The following PCDHGA2 variants were observed in gnomAD, a reference collection of about 807,000 sequenced individuals.
PCDHGA2 encodes the protein protocadherin gamma-A2.
Under a neutral mutation model 59.2 loss-of-function variants are expected in PCDHGA2, and 40 were observed. That is an observed-to-expected ratio of 0.68 (90% confidence interval 0.52 to 0.88). PCDHGA2 has a LOEUF of 0.88. Among genes scored for constraint, PCDHGA2 ranks in the 40% least tolerant of loss-of-function variants. The pLI is 0.00. For missense variants in PCDHGA2, 1,226 were observed against 1,204.0 expected (o/e 1.02, Z -0.27); for synonymous variants, 560 against 526.0 (o/e 1.06, Z -0.89).
intron 1 of PCDHGA2, among the ~76,000 whole-genome samples, chr5:141,475,629 C>T (rs77593456): frequency 0.054 from 8,157 of 152,234 alleles, 446 homozygotes; most frequent in African/African-American, 0.15. Flanking sequence ...TGGTTCGATC[C>T]CCTTTCTTGT....
chr5:141,375,736 T>C (rs1771819108), intron 1 of PCDHGA2: 2 of 1,614,242 alleles, frequency 1.2e-6, no homozygotes, highest in East Asian at 2.2e-5. Flanking sequence ...TGAGCCTGTT[T>C]GTGCTGGACC....
intron 1 of PCDHGA2, chr5:141,414,666 A>G (rs1243321329): frequency 6.2e-7 from 1 of 1,614,002 alleles, no homozygotes; most frequent in Admixed American, 1.7e-5. Context: ...CCCTGGCTGA[A>G]GACACCATCC....
Position 141,431,858 on chromosome 5 carries a change from G to A in PCDHGA2, c.2425-62949G>A, listed in dbSNP as rs1421209596. The A allele has an allele frequency of 1.1e-5, 17 of 1,614,198 alleles. No individual in the cohort carries two copies. Among genetic ancestry groups the A allele is most frequent in the Non-Finnish European group, 1.4e-5 (17 of 1,180,020 alleles). On this transcript the variant is annotated intron_variant, in intron 1 of 3. Coordinates refer to ENST00000394576, the MANE Select transcript of PCDHGA2 (RefSeq NM_018915.4). The surrounding 1 kb of genome is among the most constrained non-coding windows in gnomAD (Gnocchi z 4.8). ...AAACTCTCCCAGAGGGACATTAATTGCCCTTTTAAATGTAAATGACCAAGA... is the reference window on the plus strand; with the variant it reads ...AAACTCTCCCAGAGGGACATTAATTACCCTTTTAAATGTAAATGACCAAGA...
At chr5:141,344,056 G>T (rs1369527105) in intron 1 of PCDHGA2, 2 of 1,559,122 alleles carry the variant, frequency 1.3e-6, no homozygotes, top group East Asian at 4.6e-5. Context: ...CTGAGTTTCC[G>T]AAATGGCAGA....
rs114847835 is a variant in PCDHGA2, at chr5:141,486,500, C to T, written c.2425-8307C>T. The T allele has an allele frequency of 6.2e-6, 10 of 1,614,008 alleles. No homozygotes were observed. The East Asian group carries it at 1.8e-4, about 29-fold the overall frequency. On this transcript the variant is annotated intron_variant, in intron 1 of 3. Coordinates refer to ENST00000394576, the MANE Select transcript of PCDHGA2 (RefSeq NM_018915.4). This position sits in a 1 kb window ranked among gnomAD's most constrained non-coding sequence, Gnocchi z 5.0. ...TCTCAGTACCCACAGAACTATTTTCCTCAATATTTCAGATGTGAATGATAA... is the reference window on the plus strand; with the variant it reads ...TCTCAGTACCCACAGAACTATTTTCTTCAATATTTCAGATGTGAATGATAA...
At chr5:141,479,366 T>A (rs2099494042) in intron 1 of PCDHGA2, 1 of 152,302 alleles carries the variant, frequency 6.6e-6, no homozygotes, top group Non-Finnish European at 1.5e-5. Flanking sequence ...GTGCCTGAGG[T>A]GGGAGGATTG....
At chr5:141,363,540 C>T (rs1762965005) in intron 1 of PCDHGA2, among the ~76,000 whole-genome samples, 1 of 152,204 alleles carries the variant, frequency 6.6e-6, no homozygotes, top group Admixed American at 6.5e-5. Context: ...ACTGGAACTA[C>T]AAATATTTGA....
Position 141,431,721 on chromosome 5 carries a change from C to T in PCDHGA2, c.2425-63086C>T. The T allele has an allele frequency of 1.2e-6, 2 of 1,614,246 alleles. No homozygotes were observed. Among genetic ancestry groups the T allele is most frequent in the Non-Finnish European group, 1.7e-6 (2 of 1,180,044 alleles). On this transcript the variant is annotated intron_variant, in intron 1 of 3. Transcript: ENST00000394576. The surrounding 1 kb of genome is among the most constrained non-coding windows in gnomAD (Gnocchi z 4.8). ...GGATTCTACCAGATGGAAGTGCAAGCAATGGATAATGCAGGATATTCTGCG... is the reference window on the plus strand; with the variant it reads ...GGATTCTACCAGATGGAAGTGCAAGTAATGGATAATGCAGGATATTCTGCG...
rs1184232947 is a variant in PCDHGA2 at position 141,487,060 on chromosome 5, G to T, written c.2425-7747G>T. ...TCTCTCGATATGCTGGGGAGGTGCG[G>T]ACGGCTGTTCCTATCCCAGCTGACC... On this transcript the variant is annotated intron_variant, in intron 1 of 3. Transcript: ENST00000394576. This position sits in a 1 kb window ranked among gnomAD's most constrained non-coding sequence, Gnocchi z 5.0. The T allele has an allele frequency of 1.9e-6, 3 of 1,614,182 alleles. No individual in the cohort carries two copies. In the East Asian group the frequency reaches 6.7e-5, roughly 36 times the overall value.
rs1237005711 is a variant in PCDHGA2 at position 141,339,071 on chromosome 5, T to A, written c.100T>A (p.Ser34Thr). 1 of 1,613,850 alleles carries A rather than the reference T, an allele frequency of 6.2e-7. No individual in the cohort carries two copies. The highest frequency in any genetic ancestry group is 1.1e-5 in the South Asian group (1 of 91,080). Residue 34 changes from serine to threonine, a missense_variant, in exon 1 of 4, where the codon TCT (serine) becomes ACT (threonine). Ser to Thr is a moderately conservative substitution (Grantham distance 58). Coordinates refer to ENST00000394576, the MANE Select transcript of PCDHGA2 (RefSeq NM_018915.4). ...GGCCAGGGCCGGGCAGATTCGCTAT[T>A]CTGTGCGGGAAGAGATCGACAGAGG... ...WEARAGQIRY[S>T]VREEIDRGSF...
intron 1 of PCDHGA2, chr5:141,408,243 G>T: frequency 6.3e-7 from 1 of 1,583,996 alleles, no homozygotes; most frequent in African/African-American, 1.3e-5. Context: ...GCCGGCCCGC[G>T]GCAGGTGCTA....
chr5:141,357,407 C>T lies in PCDHGA2; in HGVS notation c.2424+16012C>T, dbSNP rs752595373. 1.5e-5 allele frequency: 25 copies of T among 1,614,128 alleles called. No individual in the cohort carries two copies. The East Asian group carries it at 4.7e-4, about 30-fold the overall frequency. ...GAAGGCAGCAGGTTGGCAGGTGTGC[C>T]TGCCTCGCACTTTGTGGGCGTGGAC... On this transcript the variant is annotated intron_variant, in intron 1 of 3. Transcript: ENST00000394576.
chr5:141,501,164 G>C (rs991995325), intron 2 of PCDHGA2, among the ~76,000 whole-genome samples: 32 of 152,144 alleles, frequency 2.1e-4, no homozygotes, highest in African/African-American at 7.7e-4. Context: ...ACCATCCCCA[G>C]CCTCATTTAC....
chr5:141,389,481 C>T (rs372276550), intron 1 of PCDHGA2: 5 of 1,612,962 alleles, frequency 3.1e-6, no homozygotes, highest in African/African-American at 1.3e-5. Context: ...ACTGCAGGCC[C>T]GCGACCAGGG....
intron 1 of PCDHGA2, chr5:141,374,208 G>A (rs777295061): frequency 1.2e-6 from 2 of 1,613,952 alleles, no homozygotes; most frequent in East Asian, 2.2e-5. Context: ...CTGGAGAAAG[G>A]CTCCTTCGTA....
chr5:141,458,506 A>G (rs1443711702), intron 1 of PCDHGA2, among the ~76,000 whole-genome samples: 1 of 150,282 alleles, frequency 6.7e-6, no homozygotes, highest in Non-Finnish European at 1.5e-5. Flanking sequence ...ATACTGTTTG[A>G]CACTTTGTTT....
rs1328476453 is a variant in PCDHGA2, at chr5:141,431,444, C to T, written c.2425-63363C>T. 4.3e-6 allele frequency: 7 copies of T among 1,613,732 alleles called. No homozygotes were observed. The highest frequency in any genetic ancestry group is 5.9e-6 in the Non-Finnish European group (7 of 1,180,022). On this transcript the variant is annotated intron_variant, in intron 1 of 3. Transcript: ENST00000394576. The surrounding 1 kb of genome is among the most constrained non-coding windows in gnomAD (Gnocchi z 4.8). ...GGTGCGCACAGGCACCGCGCGCATCCGCGTGATGGTTCTGGATGCGAACGA... is the reference window on the plus strand; with the variant it reads ...GGTGCGCACAGGCACCGCGCGCATCTGCGTGATGGTTCTGGATGCGAACGA...
chr5:141,421,532 C>T lies in PCDHGA2; in HGVS notation c.2425-73275C>T, dbSNP rs557991200. On this transcript the variant is annotated intron_variant, in intron 1 of 3. Transcript: ENST00000394576. ...GAGGAGCTCTGTGAGACGGTGTCCT[C>T]CTGTTTTTTAAATATGGAACTTCTC... The T allele has an allele frequency of 1.4e-5, 23 of 1,613,996 alleles. No individual in the cohort carries two copies. In the African/African-American group the frequency reaches 2.4e-4, roughly 17 times the overall value.
intron 1 of PCDHGA2, chr5:141,395,188 T>C (rs1188356077): frequency 6.2e-7 from 1 of 1,614,128 alleles, no homozygotes; most frequent in East Asian, 2.2e-5. Flanking sequence ...GATTCTTTGT[T>C]AACATCCGTA....
Sources: gnomAD v4.1 joint callset for allele counts (sites outside exome capture counted in the v4.1 genomes callset) on GRCh38, gnomAD v4.1.1 for gene constraint, Gnocchi (gnomAD v3.1) non-coding constraint, MANE v1.5 for transcripts, NCBI Gene and HGNC (gene_info 2026-07-23, HGNC 2026-07-21) for gene names.